Variants in DAPK1 observed in about 807,000 individuals in gnomAD.
The protein encoded by DAPK1 is death associated protein kinase 1.
DAPK1 carries 56 observed loss-of-function variants against 144.9 expected under a neutral mutation model. The ratio of observed to expected loss-of-function variants is 0.39; its 90% confidence interval spans 0.31 to 0.48. DAPK1 has a LOEUF of 0.48. Among genes scored for constraint, DAPK1 ranks in the 20% least tolerant of loss-of-function variants. DAPK1 has a pLI of 0.95. For missense variants in DAPK1, 1,454 were observed against 1,875.4 expected, an observed-to-expected ratio of 0.78 and a Z score of 4.15; for synonymous variants, 690 against 749.0, an observed-to-expected ratio of 0.92 and a Z score of 1.29.
At position 87,524,548 on chromosome 9, in the gene DAPK1, A is replaced by G. The variant is rs7044095; in HGVS notation, c.62+25409A>G. On this transcript the variant is annotated intron_variant, in intron 2 of 25. Transcript: ENST00000408954. ...AACCACCTCCTCGCAGAATCCCAGGAGACACCAGCCAGGTCCTTTCACACC... is the reference window on the plus strand; with the variant it reads ...AACCACCTCCTCGCAGAATCCCAGGGGACACCAGCCAGGTCCTTTCACACC... Among the ~76,000 whole-genome samples the G allele has an allele frequency of 6.7e-3, 1,024 of 152,320 alleles. 14 individuals carry two copies. The highest frequency in any genetic ancestry group is 0.023 in the African/African-American group (972 of 41,582).
At position 87,605,224 on chromosome 9, in the gene DAPK1, C is replaced by T. The variant is rs1307431216; in HGVS notation, c.284+49C>T. ...GGGGAGAGGGTGTGGTGGGCGTCAGCTGGCATCTTCGTTCCAGCTGGACCA... is the reference window on the plus strand; with the variant it reads ...GGGGAGAGGGTGTGGTGGGCGTCAGTTGGCATCTTCGTTCCAGCTGGACCA... On this transcript the variant is annotated intron_variant, in intron 3 of 25. Coordinates refer to ENST00000408954, the MANE Select transcript of DAPK1 (RefSeq NM_004938.4). 3 of 1,494,130 alleles carry T rather than the reference C, an allele frequency of 2.0e-6. No individual in the cohort carries two copies. In the South Asian group the frequency reaches 3.4e-5, roughly 17 times the overall value. The allele number at this position is 1,494,130 out of a possible 1,614,324, so 92.6% of individuals were successfully genotyped here.
At chr9:87,651,370 A>G (rs190349106) in intron 16 of DAPK1, among the ~76,000 whole-genome samples, 157 bp from the exon 17 acceptor site, 36 of 149,310 alleles carry the variant, frequency 2.4e-4, no homozygotes, top group Non-Finnish European at 3.9e-4. Flanking sequence ...TACCCCTGCT[A>G]TAGGAGTAAA....
chr9:87,593,963 G>A (rs983785544), intron 2 of DAPK1, among the ~76,000 whole-genome samples: 6 of 152,182 alleles, frequency 3.9e-5, no homozygotes, highest in African/African-American at 1.4e-4. Context: ...CTCAACTGGG[G>A]TCTTGGGGCA....
chr9:87,551,580 TAGTGAC>T (rs1276291834), intron 2 of DAPK1, among the ~76,000 whole-genome samples: 2 of 152,106 alleles, frequency 1.3e-5, no homozygotes, highest in Non-Finnish European at 2.9e-5. Flanking sequence ...CCCAGGACAG[TAGTGAC>T]AGTGGATGAA....
chr9:87,528,516 C>A (rs11141865), intron 2 of DAPK1, among the ~76,000 whole-genome samples: 67,745 of 151,856 alleles, frequency 0.45, 15,387 homozygotes, highest in South Asian at 0.57. Context: ...CCACGCCCGG[C>A]CTACCATGCA....
intron 3 of DAPK1, among the ~76,000 whole-genome samples, chr9:87,606,217 G>A (rs557445428): frequency 1.3e-5 from 2 of 152,080 alleles, no homozygotes; most frequent in African/African-American, 2.4e-5. Context: ...GCTCCCAGGC[G>A]CCACCCTGCA....
chr9:87,517,370 C>G (rs967940340), intron 2 of DAPK1, among the ~76,000 whole-genome samples: 5 of 152,044 alleles, frequency 3.3e-5, no homozygotes, highest in African/African-American at 1.2e-4. Context: ...CAGTGTCCTC[C>G]TTTTGCAAAC....
chr9:87,522,113 T>C (rs1053640541), intron 2 of DAPK1, among the ~76,000 whole-genome samples: 1 of 152,232 alleles, frequency 6.6e-6, no homozygotes, highest in Non-Finnish European at 1.5e-5. Flanking sequence ...ATAAATTGCT[T>C]TTATTTATAA....
intron 2 of DAPK1, among the ~76,000 whole-genome samples, chr9:87,573,441 T>TACA (rs1827436473): frequency 6.6e-6 from 1 of 152,186 alleles, no homozygotes; most frequent in African/African-American, 2.4e-5. Flanking sequence ...GATACAGTAA[T>TACA]ACAACATCCA....
chr9:87,541,552 A>G (rs76959589), intron 2 of DAPK1, among the ~76,000 whole-genome samples: 1 of 71,682 alleles, frequency 1.4e-5, no homozygotes, highest in African/African-American at 5.5e-5. Context: ...CTGTCTGGAA[A>G]AAAAAAAAAA....
At chr9:87,611,012 C>T (rs1168285172) in intron 3 of DAPK1, among the ~76,000 whole-genome samples, 1 of 152,100 alleles carries the variant, frequency 6.6e-6, no homozygotes, top group Non-Finnish European at 1.5e-5. Flanking sequence ...TATGTGAGCA[C>T]ATACTTTATC....
chr9:87,584,302 T>A (rs1304172686), intron 2 of DAPK1, among the ~76,000 whole-genome samples: 5 of 152,236 alleles, frequency 3.3e-5, no homozygotes, highest in African/African-American at 1.2e-4. Flanking sequence ...TTACCATTTT[T>A]TCTGGCCGAA....
intron 12 of DAPK1, among the ~76,000 whole-genome samples, chr9:87,646,259 A>C (rs987918026): frequency 6.6e-6 from 1 of 152,218 alleles, no homozygotes; most frequent in Admixed American, 6.5e-5. Flanking sequence ...TCATCCTGCT[A>C]ATGAAAATGT....
intron 17 of DAPK1, among the ~76,000 whole-genome samples, chr9:87,653,645 G>A (rs749826732): frequency 4.3e-4 from 65 of 151,522 alleles, no homozygotes; most frequent in Non-Finnish European, 8.7e-4. Context: ...TTTGATCCCA[G>A]GACTGTATTT....
intron 3 of DAPK1, among the ~76,000 whole-genome samples, chr9:87,637,740 C>T (rs1829951687): frequency 6.6e-6 from 1 of 152,196 alleles, no homozygotes; most frequent in African/African-American, 2.4e-5. Flanking sequence ...GAAAATGGTT[C>T]CCAAGTGCTT....
chr9:87,512,947 G>A (rs925446496), intron 2 of DAPK1, among the ~76,000 whole-genome samples: 1 of 152,142 alleles, frequency 6.6e-6, no homozygotes, highest in Non-Finnish European at 1.5e-5. Context: ...ATGCCTGGCC[G>A]AGAGGCTGCT....
intron 24 of DAPK1, 141 bp from the exon 25 acceptor site, chr9:87,702,887 AC>A (rs1167552994): frequency 1.2e-5 from 7 of 600,892 alleles, no homozygotes; most frequent in Admixed American, 2.9e-5. Context: ...AGAAAAAAAA[AC>A]GTCAACAACA....
At position 87,611,367 on chromosome 9, in the gene DAPK1, C is replaced by G. The variant is rs549243383; in HGVS notation, c.284+6192C>G. On this transcript the variant is annotated intron_variant, in intron 3 of 25. Transcript: ENST00000408954. ...GGTGTCCCTATGTTACCCAGGCTGG[C>G]CTCAAGCTCCTGCACTCAAGCGCTT... Among the ~76,000 whole-genome samples the G allele has an allele frequency of 3.3e-5, 5 of 152,198 alleles. No individual in the cohort carries two copies. The East Asian group carries it at 9.7e-4, about 29-fold the overall frequency.
chr9:87,534,380 T>A (rs36231145), intron 2 of DAPK1, among the ~76,000 whole-genome samples: 6 of 152,022 alleles, frequency 3.9e-5, no homozygotes, highest in Admixed American at 3.3e-4. Flanking sequence ...GGACATTTCA[T>A]TGGATCTTCG....
Sources: allele counts gnomAD v4.1 joint callset (sites outside exome capture counted in the v4.1 genomes callset), GRCh38; gene constraint gnomAD v4.1.1; transcripts MANE v1.5; gene names NCBI Gene and HGNC (gene_info 2026-07-23, HGNC 2026-07-21).